Variants in GALNT17 observed in about 807,000 individuals in gnomAD.
The protein encoded by GALNT17 is polypeptide N-acetylgalactosaminyltransferase 17.
GALNT17 carries 29 observed loss-of-function variants against 63.7 expected under a neutral mutation model. The ratio of observed to expected loss-of-function variants is 0.46; its 90% CI spans 0.34 to 0.62. GALNT17 has a LOEUF of 0.62. Ranked by LOEUF, GALNT17 falls within the 20% of genes least tolerant of loss-of-function variation. GALNT17 has a pLI of 0.01. For synonymous variants in GALNT17, 305 were observed against 318.3 expected, an observed-to-expected ratio of 0.96 and a Z score of 0.45; for missense variants, 603 against 799.6, an observed-to-expected ratio of 0.75 and a Z score of 2.97.
chr7:71,447,616 T>G (rs1351780650), intron 5 of GALNT17, among the ~76,000 whole-genome samples: 2 of 152,184 alleles, frequency 1.3e-5, no homozygotes, highest in Non-Finnish European at 2.9e-5. Flanking sequence ...ATGGAAGAAA[T>G]GTGTGCCCAC....
At chr7:71,386,090 C>T (rs531416221) in intron 2 of GALNT17, among the ~76,000 whole-genome samples, 1 of 152,112 alleles carries the variant, frequency 6.6e-6, no homozygotes, top group Non-Finnish European at 1.5e-5. Flanking sequence ...TGCCTGTGAG[C>T]CCGTCAATAA....
At chr7:71,385,603 G>A (rs1792927953) in intron 2 of GALNT17, among the ~76,000 whole-genome samples, 1 of 152,156 alleles carries the variant, frequency 6.6e-6, no homozygotes, top group Non-Finnish European at 1.5e-5. Context: ...TAACCCCAGG[G>A]GAGGTGGAGC....
At chr7:71,445,401 T>C (rs1231788889) in intron 5 of GALNT17, among the ~76,000 whole-genome samples, 1 of 151,698 alleles carries the variant, frequency 6.6e-6, no homozygotes, top group Non-Finnish European at 1.5e-5. Context: ...TTTGCCATGT[T>C]GGCCAGGCTG....
chr7:71,322,110 C>T (rs1220045972), intron 1 of GALNT17, among the ~76,000 whole-genome samples: 2 of 151,700 alleles, frequency 1.3e-5, no homozygotes, highest in Non-Finnish European at 2.9e-5. Context: ...TGCCATCATG[C>T]CTGGCTAATT....
intron 1 of GALNT17, among the ~76,000 whole-genome samples, chr7:71,266,206 C>T (rs1790489565): frequency 2.4e-5 from 1 of 42,258 alleles, no homozygotes; most frequent in Admixed American, 2.1e-4. Flanking sequence ...CGGCATAGTC[C>T]CCCCCATCTC....
intron 3 of GALNT17, among the ~76,000 whole-genome samples, chr7:71,408,142 CA>C (rs1283673767): frequency 6.6e-6 from 1 of 152,248 alleles, no homozygotes; most frequent in East Asian, 1.9e-4. Flanking sequence ...GGGTGCTGGC[CA>C]GTTCCACTAA....
chr7:71,655,290 T>G (rs1030460612), intron 6 of GALNT17, among the ~76,000 whole-genome samples: 1 of 152,028 alleles, frequency 6.6e-6, no homozygotes, highest in African/African-American at 2.4e-5. Flanking sequence ...TTCAAAAAAC[T>G]TTCTGCTACC....
intron 5 of GALNT17, among the ~76,000 whole-genome samples, chr7:71,560,918 A>G (rs747676183): frequency 2.6e-5 from 4 of 152,248 alleles, no homozygotes; most frequent in Non-Finnish European, 5.9e-5. Context: ...GAAGGGCAAC[A>G]TCTGCATTGG....
At chr7:71,698,656 C>T (rs1338873698) in intron 9 of GALNT17, among the ~76,000 whole-genome samples, 1 of 151,788 alleles carries the variant, frequency 6.6e-6, no homozygotes, top group Non-Finnish European at 1.5e-5. Flanking sequence ...AACAAATCAA[C>T]CAAACGCAAC....
At chr7:71,154,091 G>C (rs1788184828) in intron 1 of GALNT17, among the ~76,000 whole-genome samples, 1 of 152,122 alleles carries the variant, frequency 6.6e-6, no homozygotes, top group African/African-American at 2.4e-5. Context: ...TGACTTCAGA[G>C]GCTGGATCAA....
rs1356642540 is a variant in GALNT17, at chr7:71,701,831, ATATATATATGTG to A, written c.1501-8920_1501-8909del. Among the ~76,000 whole-genome samples, 423 of 44,028 alleles carry A rather than the reference ATATATATATGTG, an allele frequency of 9.6e-3. 9 individuals carry two copies. The highest frequency in any genetic ancestry group is 0.033 in the African/African-American group (403 of 12,110). The allele number at this position is 44,028 out of a possible 152,430, so 28.9% of individuals were successfully genotyped here. A position where few individuals can be genotyped will look rare whatever the true frequency, so the allele number is the denominator to read the frequency against. On this transcript the variant is annotated intron_variant, in intron 9 of 10. Transcript: ENST00000333538. ...TATATATATACACATATATATACAC[ATATATATATGTG>A]TATATATATATACACATATATATAT... is the stretch of plus-strand genomic sequence containing the variant.
intron 1 of GALNT17, among the ~76,000 whole-genome samples, chr7:71,272,527 G>A (rs890066066): frequency 6.6e-6 from 1 of 152,110 alleles, no homozygotes; most frequent in African/African-American, 2.4e-5. Flanking sequence ...CATTCTAGTA[G>A]GTGTGTAGAT....
intron 5 of GALNT17, among the ~76,000 whole-genome samples, chr7:71,494,355 C>A (rs902705980): frequency 3.9e-5 from 6 of 151,900 alleles, no homozygotes; most frequent in African/African-American, 1.5e-4. Flanking sequence ...AGACACAGAG[C>A]CAAGTCATAT....
intron 2 of GALNT17, among the ~76,000 whole-genome samples, chr7:71,352,283 G>T (rs556994586): frequency 1.3e-5 from 2 of 152,172 alleles, no homozygotes; most frequent in African/African-American, 4.8e-5. Context: ...CCCCAGCCAT[G>T]TGGAGCTGTG....
chr7:71,346,214 A>G (rs1318241747), intron 2 of GALNT17, among the ~76,000 whole-genome samples: 5 of 151,230 alleles, frequency 3.3e-5, no homozygotes, highest in Non-Finnish European at 7.4e-5. Flanking sequence ...GTGTGTGTAT[A>G]TATATTTATA....
intron 1 of GALNT17, among the ~76,000 whole-genome samples, chr7:71,177,117 T>A (rs969283427): frequency 6.6e-6 from 1 of 152,140 alleles, no homozygotes; most frequent in Non-Finnish European, 1.5e-5. Flanking sequence ...CTGGAGCATG[T>A]AGGGGCCTGT....
At chr7:71,307,041 C>G (rs745319431) in intron 1 of GALNT17, among the ~76,000 whole-genome samples, 4 of 152,078 alleles carry the variant, frequency 2.6e-5, no homozygotes, top group Non-Finnish European at 4.4e-5. Context: ...GCAGGCTGGT[C>G]TTGAACTCCT....
rs144915444 is a variant in GALNT17 at position 71,232,719 on chromosome 7, G to A, written c.238+99679G>A. On this transcript the variant is annotated intron_variant, in intron 1 of 10. Coordinates refer to ENST00000333538, the MANE Select transcript of GALNT17 (RefSeq NM_022479.3). ...TGTGGAGTGCAGCCGCTCAGGGTCCGTGCTGCAGTTCTATTTATACCCACT... is the reference window on the plus strand; with the variant it reads ...TGTGGAGTGCAGCCGCTCAGGGTCCATGCTGCAGTTCTATTTATACCCACT... Among the ~76,000 whole-genome samples, 471 of 152,238 alleles carry A rather than the reference G, an allele frequency of 3.1e-3. 5 individuals are homozygous for A. The highest frequency in any genetic ancestry group is 0.01 in the African/African-American group (436 of 41,530).
intron 1 of GALNT17, among the ~76,000 whole-genome samples, chr7:71,333,247 T>C (rs1791838178): frequency 2.0e-5 from 3 of 152,342 alleles, no homozygotes; most frequent in Admixed American, 2.0e-4. Context: ...ATAAATAGAA[T>C]CACTATATGG....
Sources: gnomAD v4.1 joint callset for allele counts (sites outside exome capture counted in the v4.1 genomes callset) on GRCh38, gnomAD v4.1.1 for gene constraint, MANE v1.5 for transcripts, NCBI Gene and HGNC (gene_info 2026-07-23, HGNC 2026-07-21) for gene names.